Variants in PCDHGA4 observed in about 807,000 individuals in gnomAD.
PCDHGA4 encodes protocadherin gamma subfamily A, 4.
Under a neutral mutation model 54.6 loss-of-function variants are expected in PCDHGA4, and 38 were observed. The observed-to-expected ratio is 0.70, with a 90% CI of 0.54 to 0.91. PCDHGA4 has a LOEUF of 0.91. Among genes scored for constraint, PCDHGA4 ranks in the 40% least tolerant of loss-of-function variants. PCDHGA4 has a pLI of 0.00. For missense variants in PCDHGA4, 1,298 were observed against 1,220.9 expected (o/e 1.06, Z -0.94); for synonymous variants, 511 against 512.9 (o/e 1.00, Z 0.05).
intron 1 of PCDHGA4, chr5:141,364,956 A>G: frequency 1.2e-6 from 2 of 1,613,264 alleles, no homozygotes; most frequent in Non-Finnish European, 1.7e-6. Flanking sequence ...ACTGTTCACG[A>G]CCTCCTCCTC....
In PCDHGA4 at chr5:141,370,973, G is replaced by T. The variant is rs763236238; in HGVS notation, c.2514+13352G>T. ...ACCTGGATGGCAGTAGGTACCCAGA[G>T]CTAGTACTGAAAGCACCCCTGGACA... is the stretch of plus-strand genomic sequence containing the variant. On this transcript the variant is annotated intron_variant, in intron 1 of 3. Coordinates refer to ENST00000571252, the MANE Select transcript of PCDHGA4 (RefSeq NM_018917.4). 9.3e-6 allele frequency: 15 copies of T among 1,614,010 alleles called. No individual in the cohort carries two copies. Among genetic ancestry groups the T allele is most frequent in the Admixed American group, 1.7e-5 (1 of 60,024 alleles).
Position 141,487,306 on chromosome 5 carries a change from ACT to A in PCDHGA4, c.2515-7496_2515-7495del. 1 of 1,613,414 alleles carries A rather than the reference ACT, an allele frequency of 6.2e-7. No individual in the cohort carries two copies. The highest frequency in any genetic ancestry group is 8.5e-7 in the Non-Finnish European group (1 of 1,179,874). ...TCTCCTTTGGCTCATTCGTGGCACT[ACT>A]CTCTAAGTGTCTTCGTGGGGCAGCC... On this transcript the variant is annotated intron_variant, in intron 1 of 3. Coordinates refer to ENST00000571252, the MANE Select transcript of PCDHGA4 (RefSeq NM_018917.4). The surrounding 1 kb of genome is among the most constrained non-coding windows in gnomAD (Gnocchi z 5.0).
intron 3 of PCDHGA4, among the ~76,000 whole-genome samples, chr5:141,509,722 C>A (rs919655821): frequency 5.9e-5 from 9 of 152,140 alleles, no homozygotes; most frequent in African/African-American, 2.2e-4. Flanking sequence ...CTGATGTCAC[C>A]TAGCTGTGGC....
chr5:141,474,430 C>T (rs2099349577), intron 1 of PCDHGA4, among the ~76,000 whole-genome samples: 1 of 152,212 alleles, frequency 6.6e-6, no homozygotes, highest in African/African-American at 2.4e-5. Flanking sequence ...TTGGTCCTCA[C>T]ACTTTGAGTA....
chr5:141,400,099 T>G (rs574278907), intron 1 of PCDHGA4: 1 of 1,614,072 alleles, frequency 6.2e-7, no homozygotes, highest in African/African-American at 1.3e-5. Flanking sequence ...CACGCTGCAC[T>G]TGGTCTTTGC....
At chr5:141,389,089 T>G in intron 1 of PCDHGA4, 1 of 1,613,978 alleles carries the variant, frequency 6.2e-7, no homozygotes, top group East Asian at 2.2e-5. Flanking sequence ...ACGTATAAAT[T>G]AGTGACAGAT....
At position 141,404,057 on chromosome 5, in the gene PCDHGA4, T is replaced by G. The variant is rs558471539; in HGVS notation, c.2514+46436T>G. ...ACCTCAGGGAACAGTAATTCTTCTT[T>G]TCAATGCTCATGACCGAGACTCCGG... On this transcript the variant is annotated intron_variant, in intron 1 of 3. Coordinates refer to ENST00000571252, the MANE Select transcript of PCDHGA4 (RefSeq NM_018917.4). 9.5e-5 allele frequency: 154 copies of G among 1,613,894 alleles called. No individual in the cohort carries two copies. The East Asian group carries it at 3.4e-3, about 36-fold the overall frequency.
chr5:141,383,170 G>A (rs1453801684), intron 1 of PCDHGA4: 2 of 1,614,008 alleles, frequency 1.2e-6, no homozygotes, highest in African/African-American at 2.7e-5. Flanking sequence ...GGGCAGGATA[G>A]ACCGGGAAGA....
intron 1 of PCDHGA4, chr5:141,360,795 A>T (rs755316172): frequency 6.2e-6 from 10 of 1,613,818 alleles, no homozygotes; most frequent in South Asian, 4.4e-5. Context: ...GCGGAGACCC[A>T]CCTCAAAGTG....
At chr5:141,419,586 A>T (rs1440548961) in intron 1 of PCDHGA4, 1 of 1,611,696 alleles carries the variant, frequency 6.2e-7, no homozygotes, top group Non-Finnish European at 8.5e-7. Context: ...GCGCTCTTCG[A>T]CACAGTGCCG....
At position 141,393,973 on chromosome 5, in the gene PCDHGA4, G is replaced by A. The variant is rs776954838; in HGVS notation, c.2514+36352G>A. ...AATGGTCAAGTTGTCTGTTACACAC[G>A]TGATAATTTACCTTTTAAATTAGAA... On this transcript the variant is annotated intron_variant, in intron 1 of 3. Transcript: ENST00000571252. 3.1e-6 allele frequency: 5 copies of A among 1,613,784 alleles called. No individual in the cohort carries two copies. The South Asian group carries it at 5.5e-5, about 18-fold the overall frequency.
At chr5:141,428,882 T>C in intron 1 of PCDHGA4, 1 of 151,216 alleles carries the variant, frequency 6.6e-6, no homozygotes, top group African/African-American at 2.4e-5. Context: ...TTGGACGGAG[T>C]CTCGCTCTGT....
chr5:141,431,505 C>T lies in PCDHGA4; in HGVS notation c.2515-63302C>T. 1.2e-6 allele frequency: 2 copies of T among 1,614,018 alleles called. No individual in the cohort carries two copies. The highest frequency in any genetic ancestry group is 1.7e-6 in the Non-Finnish European group (2 of 1,180,028). On this transcript the variant is annotated intron_variant, in intron 1 of 3. Coordinates refer to ENST00000571252, the MANE Select transcript of PCDHGA4 (RefSeq NM_018917.4). This position sits in a 1 kb window ranked among gnomAD's most constrained non-coding sequence, Gnocchi z 4.8. ...GCGTTTGCTCAGCCCGAGTACCGCG[C>T]GAGCGTTCCGGAGAATCTGGCCTTG...
chr5:141,376,297 G>A (rs1283407370), intron 1 of PCDHGA4: 4 of 1,614,068 alleles, frequency 2.5e-6, no homozygotes, highest in Admixed American at 3.3e-5. Flanking sequence ...TGCCCGGCTC[G>A]CACTTTGTGG....
Position 141,489,317 on chromosome 5 carries a change from G to T in PCDHGA4, c.2515-5490G>T. ...ATGTTGTCCTTGTGCTGCTGGGGCT[G>T]GGTGTCTGGGCAGCTTCGTTACTCA... is the stretch of plus-strand genomic sequence containing the variant. On this transcript the variant is annotated intron_variant, in intron 1 of 3. Coordinates refer to ENST00000571252, the MANE Select transcript of PCDHGA4 (RefSeq NM_018917.4). The surrounding 1 kb of genome is among the most constrained non-coding windows in gnomAD (Gnocchi z 4.5). 6.3e-7 allele frequency: 1 copy of T among 1,598,654 alleles called. No homozygotes were observed. The highest frequency in any genetic ancestry group is 8.5e-7 in the Non-Finnish European group (1 of 1,171,456).
At position 141,372,283 on chromosome 5, in the gene PCDHGA4, G is replaced by T. The variant is rs749946527; in HGVS notation, c.2514+14662G>T. On this transcript the variant is annotated intron_variant, in intron 1 of 3. Coordinates refer to ENST00000571252, the MANE Select transcript of PCDHGA4 (RefSeq NM_018917.4). Reference sequence around the variant, plus strand: ...CGCACGGGTGAGGTGCGCACGGCGCGTACCTTGGGCGACAGGGAGGCCGCC... The same window carrying T: ...CGCACGGGTGAGGTGCGCACGGCGCTTACCTTGGGCGACAGGGAGGCCGCC... 2.9e-5 allele frequency: 47 copies of T among 1,613,080 alleles called. No individual in the cohort carries two copies. Among genetic ancestry groups the T allele is most frequent in the Non-Finnish European group, 2.7e-5 (32 of 1,179,872 alleles).
At chr5:141,425,802 C>T (rs966768224) in intron 1 of PCDHGA4, among the ~76,000 whole-genome samples, 6 of 152,160 alleles carry the variant, frequency 3.9e-5, no homozygotes, top group African/African-American at 1.4e-4. Context: ...ATGTGCATTG[C>T]TTCTGCTTAG....
intron 1 of PCDHGA4, chr5:141,393,367 G>C: frequency 1.2e-6 from 2 of 1,613,962 alleles, no homozygotes; most frequent in Middle Eastern, 1.6e-4. Context: ...GTGCAGACTG[G>C]AGACAATGGA....
intron 1 of PCDHGA4, chr5:141,372,275 C>T (rs1308117997): frequency 4.3e-6 from 7 of 1,613,024 alleles, no homozygotes; most frequent in South Asian, 2.2e-5. Context: ...GTGAGGTGCG[C>T]ACGGCGCGTA....
Sources: gnomAD v4.1 joint callset for allele counts (sites outside exome capture counted in the v4.1 genomes callset) on GRCh38, gnomAD v4.1.1 for gene constraint, Gnocchi (gnomAD v3.1) non-coding constraint, MANE v1.5 for transcripts, NCBI Gene and HGNC (gene_info 2026-07-23, HGNC 2026-07-21) for gene names.